The following COBLL1 variants were observed in gnomAD, a reference collection of about 807,000 sequenced individuals.
The protein encoded by COBLL1 is cordon-bleu protein-like 1.
In COBLL1, 50 loss-of-function variants were observed where a neutral mutation model predicts 94.8. The ratio of observed to expected loss-of-function variants is 0.53; its 90% CI spans 0.42 to 0.67. COBLL1 has a LOEUF of 0.67. COBLL1 is among the 30% of genes least tolerant of loss of function. The pLI is 0.00. For missense variants in COBLL1, 1,362 were observed against 1,348.7 expected, an observed-to-expected ratio of 1.01 and a Z score of -0.15; for synonymous variants, 448 against 473.8, an observed-to-expected ratio of 0.95 and a Z score of 0.71.
At chr2:164,712,208 T>A (rs1208132825) in intron 7 of COBLL1, among the ~76,000 whole-genome samples, 2 of 152,170 alleles carry the variant, frequency 1.3e-5, no homozygotes, top group African/African-American at 4.8e-5. Context: ...TTATAAAAAG[T>A]GGGTCATTGA....
intron 2 of COBLL1, among the ~76,000 whole-genome samples, chr2:164,796,705 CAAAAAAAA>C (rs34412964): frequency 2.2e-4 from 19 of 86,728 alleles, no homozygotes; most frequent in African/African-American, 7.5e-4. Flanking sequence ...GCTGGCCTTC[CAAAAAAAA>C]AAAAAAAAAA....
chr2:164,736,902 C>A (rs1686338716), intron 3 of COBLL1, among the ~76,000 whole-genome samples: 1 of 152,214 alleles, frequency 6.6e-6, no homozygotes, highest in Non-Finnish European at 1.5e-5. Context: ...AAGTTGCAAT[C>A]TGCCTGCTTA....
At chr2:164,714,370 GA>G (rs35115672) in intron 7 of COBLL1, among the ~76,000 whole-genome samples, 95,204 of 114,416 alleles carry the variant, frequency 0.83, 39,362 homozygotes, top group East Asian at 0.94. Context: ...CATCTTGGAT[GA>G]AAAAAAAAAA....
At chr2:164,730,219 C>T (rs1685925419) in intron 3 of COBLL1, 104 bp from the exon 4 acceptor site, 1 of 1,034,604 alleles carries the variant, frequency 9.7e-7, no homozygotes, top group South Asian at 1.5e-5. Flanking sequence ...TTTGGAAAAG[C>T]AGCTTAAATA....
chr2:164,805,323 CTCTCTCTCTCTCTCTATA>C lies in COBLL1; in HGVS notation c.41+35815_41+35832del, dbSNP rs1428785957. ...TCTCTCTCTCTCTCTCTCTCTCTCTCTCTCTCTCTCTCTCTATATATATATATATATATATATATAAAA... is the reference window on the plus strand; with the variant it reads ...TCTCTCTCTCTCTCTCTCTCTCTCTCTATATATATATATATATATATAAAA... On this transcript the variant is annotated intron_variant, in intron 2 of 13. Transcript: ENST00000652658. Among the ~76,000 whole-genome samples the C allele has an allele frequency of 1.8e-4, 6 of 33,686 alleles. No individual in the cohort carries two copies. In the East Asian group the frequency reaches 2.0e-3, roughly 11 times the overall value. The allele number at this position is 33,686 out of a possible 152,430, so 22.1% of individuals were successfully genotyped here. A position where few individuals can be genotyped will look rare whatever the true frequency, so the allele number is the denominator to read the frequency against.
In COBLL1 at chr2:164,685,742, T is replaced by G; in HGVS notation, c.*204A>C. On this transcript the variant is annotated 3_prime_UTR_variant, in exon 14 of 14. Coordinates refer to ENST00000652658, the MANE Select transcript of COBLL1 (RefSeq NM_001365672.2). ...GTTCTAAAGCAGCATATTCAACTCT[T>G]AAGGCAAAAAAAAGATCAAAAAATT... 1 of 383,720 alleles carries G rather than the reference T, an allele frequency of 2.6e-6. No homozygotes were observed. The highest frequency in any genetic ancestry group is 4.6e-6 in the Non-Finnish European group (1 of 217,720). The allele number at this position is 383,720 out of a possible 1,614,324, so 23.8% of individuals were successfully genotyped here.
intron 2 of COBLL1, among the ~76,000 whole-genome samples, chr2:164,829,418 C>T (rs747683362): frequency 7.9e-5 from 12 of 152,136 alleles, no homozygotes; most frequent in Non-Finnish European, 1.3e-4. Context: ...TTGTTTTCTT[C>T]TTTCATCTTC....
intron 2 of COBLL1, among the ~76,000 whole-genome samples, chr2:164,755,983 C>T (rs995719623): frequency 6.6e-6 from 1 of 150,376 alleles, no homozygotes; most frequent in African/African-American, 2.4e-5. Flanking sequence ...ACTCTAAATA[C>T]ATTCTATACA....
At chr2:164,718,887 G>A (rs1359339131) in intron 7 of COBLL1, among the ~76,000 whole-genome samples, 1 of 151,778 alleles carries the variant, frequency 6.6e-6, no homozygotes, top group African/African-American at 2.4e-5. Flanking sequence ...CAAATCTTCT[G>A]GTTAGAGATA....
rs546327737 is a variant in COBLL1 at position 164,837,704 on chromosome 2, T to C, written c.41+3452A>G. Among the ~76,000 whole-genome samples, 9 of 151,982 alleles carry C rather than the reference T, an allele frequency of 5.9e-5. No individual in the cohort carries two copies. The South Asian group carries it at 1.0e-3, about 18-fold the overall frequency. Reference sequence around the variant, plus strand: ...CATAAAATATGTAATTATATATGAATGTACATATTACATTTGAATATATAT... The same window carrying C: ...CATAAAATATGTAATTATATATGAACGTACATATTACATTTGAATATATAT... On this transcript the variant is annotated intron_variant, in intron 2 of 13. Coordinates refer to ENST00000652658, the MANE Select transcript of COBLL1 (RefSeq NM_001365672.2).
At position 164,687,607 on chromosome 2, in the gene COBLL1, A is replaced by C; in HGVS notation, c.3301-1575T>G. 3 of 1,113,362 alleles carry C rather than the reference A, an allele frequency of 2.7e-6. No homozygotes were observed. The South Asian group carries it at 3.7e-5, about 14-fold the overall frequency. 69.0% of individuals were successfully genotyped at this position (1,113,362 alleles called of 1,614,324 possible). On this transcript the variant is annotated intron_variant, in intron 13 of 13. Coordinates refer to ENST00000652658, the MANE Select transcript of COBLL1 (RefSeq NM_001365672.2). ...GCCTGTTTGAAGCCTACATTGGGGT[A>C]ATGCAAGGTCAGAGACATGAACATA...
chr2:164,703,357 G>A, intron 9 of COBLL1: 1 of 605,130 alleles, frequency 1.7e-6, no homozygotes, highest in Middle Eastern at 4.3e-4. Flanking sequence ...GAGGTAAAAG[G>A]AAAAAAACAA....
chr2:164,745,650 T>C (rs1239686615), intron 2 of COBLL1, among the ~76,000 whole-genome samples: 1 of 152,114 alleles, frequency 6.6e-6, no homozygotes, highest in African/African-American at 2.4e-5. Flanking sequence ...ATGGTGCAGC[T>C]GCGGGTCACA....
At chr2:164,764,018 C>G (rs1687819760) in intron 2 of COBLL1, among the ~76,000 whole-genome samples, 1 of 152,178 alleles carries the variant, frequency 6.6e-6, no homozygotes. Flanking sequence ...GCCTCAGCCT[C>G]CAGAGTAGCT....
downstream of COBLL1, among the ~76,000 whole-genome samples, chr2:164,677,682 A>G (rs144554063): frequency 3.0e-4 from 46 of 152,286 alleles, no homozygotes; most frequent in African/African-American, 1.1e-3. Flanking sequence ...CTTCTCACAA[A>G]TGTCTTGCCA....
intron 2 of COBLL1, among the ~76,000 whole-genome samples, chr2:164,749,923 C>T (rs1279140828): frequency 6.6e-6 from 1 of 152,144 alleles, no homozygotes; most frequent in Non-Finnish European, 1.5e-5. Context: ...GGATTGTCTT[C>T]CCTTGGCTTC....
chr2:164,770,804 A>G (rs1485720840), intron 2 of COBLL1, among the ~76,000 whole-genome samples: 1 of 152,148 alleles, frequency 6.6e-6, no homozygotes, highest in South Asian at 2.1e-4. Flanking sequence ...TGTCTTAGCA[A>G]AGACTTTGTT....
chr2:164,806,461 T>A (rs1317576454), intron 2 of COBLL1, among the ~76,000 whole-genome samples: 1 of 152,190 alleles, frequency 6.6e-6, no homozygotes, highest in Non-Finnish European at 1.5e-5. Flanking sequence ...TTTTGTGCAA[T>A]TTCATTGTAA....
In COBLL1 at chr2:164,807,441, T is replaced by TA. The variant is rs776098197; in HGVS notation, c.41+33714dup. 9.3e-4 allele frequency among the ~76,000 whole-genome samples: 130 copies of TA among 139,612 alleles called. No homozygotes were observed. In the Middle Eastern group the frequency reaches 0.029, roughly 32 times the overall value. The allele number at this position is 139,612 out of a possible 152,430, so 91.6% of individuals were successfully genotyped here. On this transcript the variant is annotated intron_variant, in intron 2 of 13. Transcript: ENST00000652658. ...TGACAGAGTCAGACTTCGTCTCAAT[T>TA]AAAAAAAAAAAAAAGCTACATAGTT... is the stretch of plus-strand genomic sequence containing the variant.
Sources: allele counts gnomAD v4.1 joint callset (sites outside exome capture counted in the v4.1 genomes callset), GRCh38; gene constraint gnomAD v4.1.1; transcripts MANE v1.5; gene names NCBI Gene and HGNC (gene_info 2026-07-23, HGNC 2026-07-21).